The following XRCC6 variants were observed in gnomAD, a reference collection of about 807,000 sequenced individuals.
XRCC6 encodes DNA repair protein Ku70.
XRCC6 carries 5 observed loss-of-function variants against 65.7 expected under a neutral mutation model. That is an observed-to-expected ratio of 0.08 (90% CI 0.04 to 0.16). The LOEUF (loss-of-function observed/expected upper bound fraction) is 0.16, where lower values mean the gene tolerates loss of function less well. Among genes scored for constraint, XRCC6 ranks in the 10% least tolerant of loss-of-function variants. The probability of loss-of-function intolerance (pLI) is 1.00; values close to 1 mark genes in which losing one functional copy is unlikely to be tolerated. For missense variants in XRCC6, 447 were observed against 738.1 expected, an observed-to-expected ratio of 0.61 and a Z score of 4.57; for synonymous variants, 270 against 270.6, an observed-to-expected ratio of 1.00 and a Z score of 0.02.
intron 6 of XRCC6, among the ~76,000 whole-genome samples, chr22:41,640,072 C>T (rs1435836523): frequency 6.6e-6 from 1 of 152,080 alleles, no homozygotes; most frequent in Non-Finnish European, 1.5e-5. Context: ...CACTCTTGCC[C>T]AGGCTGGAGT....
intron 2 of XRCC6, among the ~76,000 whole-genome samples, chr22:41,626,557 T>C (rs981743725): frequency 1.3e-5 from 2 of 151,812 alleles, no homozygotes; most frequent in African/African-American, 4.8e-5. Flanking sequence ...CAGGTTCAAG[T>C]GATTCTCCTG....
intron 11 of XRCC6, among the ~76,000 whole-genome samples, chr22:41,659,466 A>G (rs1274272208): frequency 2.0e-5 from 3 of 151,802 alleles, no homozygotes; most frequent in Admixed American, 6.6e-5. Flanking sequence ...TTGGCCTCCC[A>G]AAGTGCTGGG....
At position 41,663,613 on chromosome 22, in the gene XRCC6, T is replaced by TC. The variant is rs776469269; in HGVS notation, c.1637-3dup. The TC allele has an allele frequency of 3.1e-6, 5 of 1,609,470 alleles. No homozygotes were observed. In the African/African-American group the frequency reaches 5.3e-5, roughly 17 times the overall value. The stretch of plus-strand genomic sequence containing the variant: ...TTTCCAGTCACTCTCTCCTGACCTT[T>TC]CCCCCCAGATAATGAAGGTTCTGGA... On this transcript the variant is annotated splice_polypyrimidine_tract_variant and intron_variant, in intron 12 of 12. Transcript: ENST00000360079.
At chr22:41,622,151 G>A (rs1241068295) in intron 2 of XRCC6, 65 bp downstream of exon 2, 3 of 1,548,384 alleles carry the variant, frequency 1.9e-6, no homozygotes, top group Non-Finnish European at 2.7e-6. Flanking sequence ...GCCTATCTCT[G>A]CTGGATGGAC....
At chr22:41,645,907 G>A (rs867368805) in intron 6 of XRCC6, among the ~76,000 whole-genome samples, 4 of 151,662 alleles carry the variant, frequency 2.6e-5, no homozygotes, top group South Asian at 4.2e-4. Context: ...CACCATGTTG[G>A]CCAAGCTGGT....
chr22:41,643,563 G>A (rs754025972), intron 6 of XRCC6, among the ~76,000 whole-genome samples: 1 of 152,200 alleles, frequency 6.6e-6, no homozygotes, highest in Non-Finnish European at 1.5e-5. Context: ...GCTCATGCCT[G>A]TAATCCCAGC....
chr22:41,658,050 C>T (rs1421704987), intron 10 of XRCC6, among the ~76,000 whole-genome samples: 1 of 152,112 alleles, frequency 6.6e-6, no homozygotes. Flanking sequence ...TCTTGAACTG[C>T]TAGACTCAAG....
At chr22:41,650,970 C>G (rs2067989050) in intron 8 of XRCC6, 79 bp downstream of exon 8, 1 of 1,536,648 alleles carries the variant, frequency 6.5e-7, no homozygotes, top group African/African-American at 1.4e-5. Context: ...ATGGGCACTG[C>G]TTGGACACTG....
At position 41,646,118 on chromosome 22, in the gene XRCC6, AT is replaced by A. The variant is rs28384748; in HGVS notation, c.774-777del. On this transcript the variant is annotated intron_variant, in intron 6 of 12. Transcript: ENST00000360079. ...GGAGTTCAAGACCAGCCTGGCCAAC[AT>A]GGTGAAACACCGTCTCTACTAAAAT... Among the ~76,000 whole-genome samples, 1,268 of 151,502 alleles carry A rather than the reference AT, an allele frequency of 8.4e-3. 9 individuals are homozygous for A. Among genetic ancestry groups the A allele is most frequent in the Middle Eastern group, 0.024 (7 of 294 alleles).
intron 6 of XRCC6, 85 bp downstream of exon 6, chr22:41,637,876 A>C: frequency 7.0e-7 from 1 of 1,425,542 alleles, no homozygotes; most frequent in Non-Finnish European, 9.3e-7. Flanking sequence ...TGTAATCCCA[A>C]CAGTTTGGGA....
intron 6 of XRCC6, among the ~76,000 whole-genome samples, chr22:41,644,371 C>G (rs925570125): frequency 2.0e-5 from 3 of 152,084 alleles, no homozygotes; most frequent in African/African-American, 4.8e-5. Context: ...AGAGAATGTT[C>G]TATGTGCTTG....
rs61549526 is a variant in XRCC6, at chr22:41,649,160, ATATG to A, written c.961-1553_961-1550del. 1.5e-4 allele frequency among the ~76,000 whole-genome samples: 19 copies of A among 125,832 alleles called. No homozygotes were observed. In the East Asian group the frequency reaches 1.8e-3, roughly 12 times the overall value. The allele number at this position is 125,832 out of a possible 152,430, so 82.6% of individuals were successfully genotyped here. A position where few individuals can be genotyped will look rare whatever the true frequency, so the allele number is the denominator to read the frequency against. The stretch of plus-strand genomic sequence containing the variant: ...AAAAAATATATATATATATATATAT[ATATG>A]TATGTATGTGTGTGTGTATATATAT... On this transcript the variant is annotated intron_variant, in intron 7 of 12. Transcript: ENST00000360079.
At chr22:41,639,052 T>C (rs1370920334) in intron 6 of XRCC6, among the ~76,000 whole-genome samples, 1 of 152,122 alleles carries the variant, frequency 6.6e-6, no homozygotes, top group Non-Finnish European at 1.5e-5. Context: ...TGAGCTTCAT[T>C]ATCATCTTAA....
chr22:41,629,346 A>G (rs132771), intron 3 of XRCC6, among the ~76,000 whole-genome samples: 126,551 of 152,206 alleles, frequency 0.83, 53,610 homozygotes, highest in African/African-American at 0.95. Context: ...AAACAGTGGC[A>G]TATAGATATA....
At chr22:41,647,529 C>T (rs2067945043) in intron 7 of XRCC6, among the ~76,000 whole-genome samples, 1 of 149,004 alleles carries the variant, frequency 6.7e-6, no homozygotes, top group East Asian at 2.0e-4. Context: ...TGCGGTGAGC[C>T]GAGATCACGC....
In XRCC6 at chr22:41,653,602, AC is replaced by A; in HGVS notation, c.1207del (p.Arg403AlafsTer25). On this transcript the variant is annotated frameshift_variant, in exon 9 of 13. Transcript: ENST00000360079. LOFTEE classifies it high-confidence loss of function. ...AGGTTGCAGCATTGTGCAGATACACACCCCGCAGGAACATCCCTCCTTATTT... is the reference window on the plus strand; with the variant it reads ...AGGTTGCAGCATTGTGCAGATACACACCCGCAGGAACATCCCTCCTTATTT... The part of the protein sequence containing the change: ...KEVAALCRYT[P>X]RRNIPPYFVA... 1 of 1,614,054 alleles carries A rather than the reference AC, an allele frequency of 6.2e-7. No individual in the cohort carries two copies. Among genetic ancestry groups the A allele is most frequent in the Non-Finnish European group, 8.5e-7 (1 of 1,180,006 alleles).
chr22:41,624,813 C>T (rs1408970339), intron 2 of XRCC6, among the ~76,000 whole-genome samples: 2 of 149,674 alleles, frequency 1.3e-5, no homozygotes, highest in African/African-American at 2.5e-5. Context: ...CTGGCAAACA[C>T]GGTGAAACCC....
chr22:41,636,726 A>G lies in XRCC6; in HGVS notation c.545A>G (p.Lys182Arg), dbSNP rs1185595302. ...EDNPHGNDSA[K>R]ASRARTKAGD... is the part of the protein sequence containing the mutation. ...AACCCCCATGGCAATGACAGTGCCAAAGCCAGCCGGGCCAGGACCAAAGCC... is the reference window on the plus strand; with the variant it reads ...AACCCCCATGGCAATGACAGTGCCAGAGCCAGCCGGGCCAGGACCAAAGCC... Residue 182 changes from lysine to arginine, a missense_variant, in exon 5 of 13, where the codon AAA becomes AGA. This residue lies in a region of XRCC6 where 228 missense variants were observed against 307.4 expected (regional missense o/e 0.74). Transcript: ENST00000360079. The G allele has an allele frequency of 1.2e-6, 2 of 1,614,194 alleles. No homozygotes were observed. The highest frequency in any genetic ancestry group is 1.7e-6 in the Non-Finnish European group (2 of 1,180,044).
At chr22:41,628,386 C>T (rs1335665101) in intron 3 of XRCC6, 156 bp downstream of exon 3, 16 of 533,010 alleles carry the variant, frequency 3.0e-5, no homozygotes, top group South Asian at 1.4e-4. Flanking sequence ...GGAGAAACCC[C>T]GTCTCTACAA....
Sources: gnomAD v4.1 joint callset for allele counts (sites outside exome capture counted in the v4.1 genomes callset) on GRCh38, gnomAD v4.1.1 for gene constraint, gnomAD v4.1.1 regional missense constraint, MANE v1.5 for transcripts, NCBI Gene and HGNC (gene_info 2026-07-23, HGNC 2026-07-21) for gene names.